Variants in AGBL4 observed in about 807,000 individuals in gnomAD.
AGBL4 encodes AGBL carboxypeptidase 4.
In AGBL4, 58 loss-of-function variants were observed where a neutral mutation model predicts 66.4. The ratio of observed to expected loss-of-function variants is 0.87; its 90% CI spans 0.71 to 1.09. The LOEUF is 1.09. Among genes scored for constraint, AGBL4 ranks in the 50% least tolerant of loss-of-function variants. The pLI is 0.00. For missense variants in AGBL4, 579 were observed against 631.0 expected, an observed-to-expected ratio of 0.92 and a Z score of 0.88; for synonymous variants, 234 against 222.9, an observed-to-expected ratio of 1.05 and a Z score of -0.44.
chr1:49,571,604 G>A (rs1032203179), intron 3 of AGBL4, among the ~76,000 whole-genome samples: 18 of 152,194 alleles, frequency 1.2e-4, no homozygotes, highest in African/African-American at 3.9e-4. Flanking sequence ...ACTTTCAGAA[G>A]TATGTAGACA....
rs377103688 is a variant in AGBL4 at position 49,305,890 on chromosome 1, A to G, written c.283-60026T>C. Among the ~76,000 whole-genome samples the G allele has an allele frequency of 1.1e-3, 168 of 152,216 alleles. 1 individual carries two copies. Among genetic ancestry groups the G allele is most frequent in the African/African-American group, 3.9e-3 (161 of 41,528 alleles). On this transcript the variant is annotated intron_variant, in intron 3 of 13. Transcript: ENST00000371839. ...TTTCTAGTAGAGACAGGGCTTCTCCATGTTGGTCAGACTGGTCTCAAACTC... is the reference window on the plus strand; with the variant it reads ...TTTCTAGTAGAGACAGGGCTTCTCCGTGTTGGTCAGACTGGTCTCAAACTC...
chr1:49,417,087 T>C (rs553033966), intron 3 of AGBL4, among the ~76,000 whole-genome samples: 17 of 152,140 alleles, frequency 1.1e-4, no homozygotes, highest in South Asian at 8.3e-4. Context: ...TGTGTTACAA[T>C]TGACAATAAA....
intron 2 of AGBL4, chr1:49,846,220 A>G: frequency 6.9e-7 from 1 of 1,459,814 alleles, no homozygotes; most frequent in Non-Finnish European, 9.6e-7. Context: ...ACAAAAGGAC[A>G]CACACTGGGG....
chr1:48,704,957 A>G (rs1225298622), intron 6 of AGBL4, among the ~76,000 whole-genome samples: 1 of 152,188 alleles, frequency 6.6e-6, no homozygotes, highest in Non-Finnish European at 1.5e-5. Context: ...CAGTAGCTCT[A>G]TTTACACCAG....
At chr1:49,433,024 T>G (rs886419504) in intron 3 of AGBL4, among the ~76,000 whole-genome samples, 1 of 152,138 alleles carries the variant, frequency 6.6e-6, no homozygotes, top group African/African-American at 2.4e-5. Flanking sequence ...CCAAAGGGAC[T>G]TGGTTCTAGG....
intron 6 of AGBL4, among the ~76,000 whole-genome samples, chr1:48,740,536 C>T (rs557231521): frequency 5.3e-5 from 8 of 152,222 alleles, no homozygotes; most frequent in African/African-American, 1.9e-4. Flanking sequence ...GTGTGGCAAG[C>T]CTGATTCATG....
At chr1:49,705,713 C>T (rs1177025790) in intron 2 of AGBL4, among the ~76,000 whole-genome samples, 1 of 152,024 alleles carries the variant, frequency 6.6e-6, no homozygotes, top group Non-Finnish European at 1.5e-5. Context: ...CAGATACATT[C>T]CATCATTACC....
chr1:48,638,007 A>C (rs1417382008), intron 8 of AGBL4, among the ~76,000 whole-genome samples: 1 of 152,182 alleles, frequency 6.6e-6, no homozygotes, highest in Non-Finnish European at 1.5e-5. Flanking sequence ...TAATCATAAA[A>C]CAATTGTATC....
chr1:49,882,032 A>G (rs1647387745), intron 1 of AGBL4, among the ~76,000 whole-genome samples: 1 of 152,110 alleles, frequency 6.6e-6, no homozygotes, highest in South Asian at 2.1e-4. Context: ...TCTAACGTTT[A>G]AGTCTTTAAT....
rs192758343 is a variant in AGBL4, at chr1:49,588,440, G to A, written c.282+108873C>T. On this transcript the variant is annotated intron_variant, in intron 3 of 13. Transcript: ENST00000371839. The stretch of plus-strand genomic sequence containing the variant: ...GAGCAGACACTTAGAGAATGTCAAC[G>A]AATCAACATACCAGTGGTTATGAAG... Among the ~76,000 whole-genome samples the A allele has an allele frequency of 3.8e-4, 58 of 152,230 alleles. No individual in the cohort carries two copies. The Middle Eastern group carries it at 0.017, about 45-fold the overall frequency.
At chr1:49,065,600 G>A (rs1034671904) in intron 4 of AGBL4, among the ~76,000 whole-genome samples, 1 of 152,178 alleles carries the variant, frequency 6.6e-6, no homozygotes, top group Non-Finnish European at 1.5e-5. Flanking sequence ...TCAAGCAACT[G>A]TATTATCCAT....
At chr1:49,938,627 C>T (rs1654374966) in intron 1 of AGBL4, among the ~76,000 whole-genome samples, 1 of 152,160 alleles carries the variant, frequency 6.6e-6, no homozygotes, top group South Asian at 2.1e-4. Flanking sequence ...TCCAACAGCA[C>T]ATCAAAAAGC....
intron 3 of AGBL4, among the ~76,000 whole-genome samples, chr1:49,682,974 G>T (rs992447960): frequency 6.6e-6 from 1 of 152,124 alleles, no homozygotes; most frequent in South Asian, 2.1e-4. Context: ...TCAGAGAAAG[G>T]TTCTACTTCA....
At chr1:48,887,076 C>T (rs921608358) in intron 5 of AGBL4, among the ~76,000 whole-genome samples, 2 of 152,058 alleles carry the variant, frequency 1.3e-5, no homozygotes, top group Non-Finnish European at 2.9e-5. Context: ...TATAGGGTGG[C>T]TGGATTTCTC....
At chr1:48,657,705 C>T (rs1410834913) in intron 7 of AGBL4, among the ~76,000 whole-genome samples, 2 of 152,150 alleles carry the variant, frequency 1.3e-5, no homozygotes, top group African/African-American at 2.4e-5. Context: ...CAATGATTTG[C>T]CTGCAACCCC....
intron 4 of AGBL4, among the ~76,000 whole-genome samples, chr1:49,157,246 C>A (rs541039494): frequency 1.3e-5 from 2 of 151,716 alleles, no homozygotes; most frequent in African/African-American, 2.4e-5. Context: ...TCCCCCACCC[C>A]CCAGAAGGCC....
intron 2 of AGBL4, among the ~76,000 whole-genome samples, chr1:49,699,912 T>C (rs1432845120): frequency 6.6e-6 from 1 of 151,954 alleles, no homozygotes. Flanking sequence ...TGCATACATA[T>C]ACCAAAAAAG....
intron 1 of AGBL4, among the ~76,000 whole-genome samples, chr1:49,960,703 AT>A (rs1557621265): frequency 6.6e-6 from 1 of 152,078 alleles, no homozygotes; most frequent in Non-Finnish European, 1.5e-5. Flanking sequence ...CCAATTTAAA[AT>A]TTTTTATTTA....
chr1:49,724,933 G>A (rs559884074), intron 2 of AGBL4, among the ~76,000 whole-genome samples: 3 of 151,918 alleles, frequency 2.0e-5, no homozygotes, highest in East Asian at 3.9e-4. Context: ...TAAGCATGCA[G>A]TCCATGGTAT....
Sources: gnomAD v4.1 joint callset for allele counts (sites outside exome capture counted in the v4.1 genomes callset) on GRCh38, gnomAD v4.1.1 for gene constraint, MANE v1.5 for transcripts, NCBI Gene and HGNC (gene_info 2026-07-23, HGNC 2026-07-21) for gene names.